Variants in PDE4D observed in about 807,000 individuals in gnomAD.
The protein encoded by PDE4D is 3',5'-cyclic-AMP phosphodiesterase 4D.
Under a neutral mutation model 87.4 loss-of-function variants are expected in PDE4D, and 24 were observed. The observed-to-expected ratio is 0.27, with a 90% confidence interval of 0.20 to 0.39. The LOEUF (loss-of-function observed/expected upper bound fraction) is 0.39. Ranked by LOEUF, PDE4D falls within the 10% of genes least tolerant of loss-of-function variation. The pLI, the probability that PDE4D is intolerant of heterozygous loss-of-function variation, is 1.00. For missense variants in PDE4D, 714 were observed against 1,041.0 expected (o/e 0.69, Z 4.32); for synonymous variants, 384 against 383.2 (o/e 1.00, Z -0.02).
rs187133056 is a variant in PDE4D at position 59,003,852 on chromosome 5, C to T, written c.922-10387G>A. Among the ~76,000 whole-genome samples, 152 of 152,024 alleles carry T rather than the reference C, an allele frequency of 1.0e-3. 2 individuals are homozygous for T. Among genetic ancestry groups the T allele is most frequent in the African/African-American group, 3.3e-3 (136 of 41,458 alleles). On this transcript the variant is annotated intron_variant, in intron 6 of 14. Coordinates refer to ENST00000340635, the MANE Select transcript of PDE4D (RefSeq NM_001104631.2). ...TGAGGAATGGCAAAAGCAAAGGCCT[C>T]GAGGCAAAACATACTTGGTGAGGCT...
intron 1 of PDE4D, among the ~76,000 whole-genome samples, chr5:59,364,736 T>C (rs1367056115): frequency 2.0e-5 from 3 of 152,210 alleles, no homozygotes; most frequent in African/African-American, 4.8e-5. Context: ...AGCTAAAAGA[T>C]ATAGACTAGT....
At chr5:59,030,653 C>G (rs1471789554) in intron 6 of PDE4D, among the ~76,000 whole-genome samples, 1 of 152,020 alleles carries the variant, frequency 6.6e-6, no homozygotes, top group South Asian at 2.1e-4. Flanking sequence ...GATCATTGAG[C>G]CCGAGAATTT....
At chr5:59,136,159 T>C (rs1175941559) in intron 5 of PDE4D, among the ~76,000 whole-genome samples, 1 of 152,122 alleles carries the variant, frequency 6.6e-6, no homozygotes, top group Non-Finnish European at 1.5e-5. Context: ...ATTGATTCAA[T>C]GAGTCTTTGG....
chr5:60,488,079 C>T (rs753058569), upstream of PDE4D: 23 of 152,586 alleles, frequency 1.5e-4, no homozygotes, highest in Admixed American at 7.2e-4. Flanking sequence ...TCGTGCTTCT[C>T]GTACGCTGGG....
chr5:59,816,469 A>G (rs1316639454), intron 1 of PDE4D, among the ~76,000 whole-genome samples: 1 of 152,228 alleles, frequency 6.6e-6, no homozygotes, highest in Non-Finnish European at 1.5e-5. Context: ...TCCTGCCCTC[A>G]TGGTACTTGT....
intron 1 of PDE4D, among the ~76,000 whole-genome samples, chr5:59,471,406 A>G (rs1802424069): frequency 6.6e-6 from 1 of 152,258 alleles, no homozygotes; most frequent in South Asian, 2.1e-4. Context: ...AAAAGCTAAC[A>G]GTGCTGGTCA....
chr5:59,586,875 T>C (rs1825226880), intron 1 of PDE4D: 1 of 985,360 alleles, frequency 1.0e-6, no homozygotes, highest in South Asian at 4.7e-5. Flanking sequence ...ATATTGCTTT[T>C]TCTTCTTTCT....
At chr5:59,138,512 C>T (rs1348171135) in intron 5 of PDE4D, among the ~76,000 whole-genome samples, 1 of 152,166 alleles carries the variant, frequency 6.6e-6, no homozygotes, top group Admixed American at 6.5e-5. Context: ...GTCTCGAACT[C>T]CTGACCTTGT....
intron 1 of PDE4D, among the ~76,000 whole-genome samples, chr5:60,296,297 T>C (rs12054887): frequency 0.32 from 47,980 of 152,058 alleles, 9,166 homozygotes; most frequent in African/African-American, 0.52. Context: ...GAAGTATTCT[T>C]GGGCCTCTAG....
chr5:60,295,652 C>T (rs781204096), intron 1 of PDE4D, among the ~76,000 whole-genome samples: 3 of 152,128 alleles, frequency 2.0e-5, no homozygotes, highest in Non-Finnish European at 4.4e-5. Context: ...TGCCTAATGT[C>T]CCTATGGTCA....
intron 2 of PDE4D, among the ~76,000 whole-genome samples, chr5:60,061,487 A>C (rs1771398085): frequency 6.6e-6 from 1 of 152,092 alleles, no homozygotes; most frequent in African/African-American, 2.4e-5. Context: ...AATCAATATC[A>C]TGAAAATGGC....
intron 2 of PDE4D, among the ~76,000 whole-genome samples, chr5:60,179,748 T>G (rs1018594734): frequency 3.9e-5 from 6 of 152,142 alleles, no homozygotes; most frequent in African/African-American, 1.4e-4. Context: ...AAGTCAATTT[T>G]TTAGTTTTCA....
At chr5:59,955,696 G>A (rs1758754438) in intron 3 of PDE4D, among the ~76,000 whole-genome samples, 1 of 152,024 alleles carries the variant, frequency 6.6e-6, no homozygotes, top group African/African-American at 2.4e-5. Flanking sequence ...AGGGTGCTGG[G>A]GTATTTCTCA....
intron 3 of PDE4D, among the ~76,000 whole-genome samples, chr5:59,910,557 G>T (rs995769646): frequency 1.3e-5 from 2 of 152,202 alleles, no homozygotes; most frequent in Admixed American, 1.3e-4. Flanking sequence ...AATGTTGTAT[G>T]AAAATCTTGT....
At chr5:59,994,314 C>G (rs998209195) in intron 2 of PDE4D, among the ~76,000 whole-genome samples, 1 of 150,902 alleles carries the variant, frequency 6.6e-6, no homozygotes, top group Non-Finnish European at 1.5e-5. Flanking sequence ...TGTATATATA[C>G]ATATACACAC....
At chr5:59,845,703 C>T (rs534776304) in intron 1 of PDE4D, among the ~76,000 whole-genome samples, 5 of 152,168 alleles carry the variant, frequency 3.3e-5, no homozygotes, top group South Asian at 2.1e-4. Flanking sequence ...CAAATTTCAT[C>T]GAATAATTCA....
At chr5:59,151,852 G>GA (rs1779525662) in intron 5 of PDE4D, among the ~76,000 whole-genome samples, 1 of 152,056 alleles carries the variant, frequency 6.6e-6, no homozygotes, top group Non-Finnish European at 1.5e-5. Context: ...AAGAGGGAGA[G>GA]AAAAGAGGAG....
intron 1 of PDE4D, among the ~76,000 whole-genome samples, chr5:60,475,686 C>T (rs1452603331): frequency 6.6e-6 from 1 of 151,920 alleles, no homozygotes; most frequent in Non-Finnish European, 1.5e-5. Flanking sequence ...TCTAAGGAGA[C>T]AGTAGTGTAC....
In PDE4D at chr5:59,667,504, C is replaced by G. The variant is rs186399918; in HGVS notation, c.455+225664G>C. On this transcript the variant is annotated intron_variant, in intron 1 of 14. Coordinates refer to ENST00000340635, the MANE Select transcript of PDE4D (RefSeq NM_001104631.2). ...AGTTAGACATAACTACTTGCATGGT[C>G]TGCTTGTACTCAAACTCAGCAAATC... 7.2e-5 allele frequency among the ~76,000 whole-genome samples: 11 copies of G among 152,222 alleles called. No homozygotes were observed. The East Asian group carries it at 1.9e-3, about 27-fold the overall frequency.
Sources: allele counts gnomAD v4.1 joint callset (sites outside exome capture counted in the v4.1 genomes callset), GRCh38; gene constraint gnomAD v4.1.1; transcripts MANE v1.5; gene names NCBI Gene and HGNC (gene_info 2026-07-23, HGNC 2026-07-21).